DNAJB6: variants seen among roughly 807,000 people sequenced by gnomAD.
DNAJB6 encodes the protein dnaJ homolog subfamily B member 6.
A neutral mutation model predicts 42.7 loss-of-function variants in DNAJB6; 16 were observed. That is an observed-to-expected ratio of 0.37 (90% CI 0.25 to 0.57). The LOEUF (loss-of-function observed/expected upper bound fraction) is 0.57, where lower values mean the gene tolerates loss of function less well. Among genes scored for constraint, DNAJB6 ranks in the 20% least tolerant of loss-of-function variants. The pLI is 0.74. For missense variants in DNAJB6, 347 were observed against 416.8 expected, an observed-to-expected ratio of 0.83 and a Z score of 1.46; for synonymous variants, 170 against 163.5, an observed-to-expected ratio of 1.04 and a Z score of -0.30.
chr7:157,413,732 T>TC (rs1796036814), intron 9 of DNAJB6: 1 of 147,944 alleles, frequency 6.8e-6, no homozygotes, highest in African/African-American at 2.5e-5. Flanking sequence ...TTTTTTTTTT[T>TC]TTTTTTTTTT....
At chr7:157,359,807 G>A (rs758480834) in intron 2 of DNAJB6, among the ~76,000 whole-genome samples, 11 of 152,200 alleles carry the variant, frequency 7.2e-5, no homozygotes, top group Non-Finnish European at 1.3e-4. Context: ...CAACCAAGCC[G>A]AGACCCTGTC....
At chr7:157,415,920 G>A in intron 9 of DNAJB6, 96 bp from the exon 10 acceptor site, 1 of 1,594,232 alleles carries the variant, frequency 6.3e-7, no homozygotes, top group Non-Finnish European at 8.6e-7. Flanking sequence ...GTTGCTTTTT[G>A]TTCTTAACAT....
intron 1 of DNAJB6, among the ~76,000 whole-genome samples, chr7:157,356,098 A>G (rs1043078316): frequency 4.6e-5 from 7 of 152,150 alleles, no homozygotes; most frequent in African/African-American, 1.7e-4. Flanking sequence ...CTTGCTATAT[A>G]TAGTGCTCAG....
rs1335629560 is a variant in DNAJB6, at chr7:157,357,313, TC to T, written c.-26-1232del. Among the ~76,000 whole-genome samples, 11 of 105,246 alleles carry T rather than the reference TC, an allele frequency of 1.0e-4. 3 individuals carry two copies. Among genetic ancestry groups the T allele is most frequent in the African/African-American group, 2.4e-4 (7 of 28,948 alleles). 69.0% of individuals were successfully genotyped at this position (105,246 alleles called of 152,430 possible). A position where few individuals can be genotyped will look rare whatever the true frequency, so the allele number is the denominator to read the frequency against. ...GTCCTTCCTTCCTTCCTTCCTTCCT[TC>T]CTTCCTTCCTCGTTCCGTCGCCCGG... On this transcript the variant is annotated intron_variant, in intron 1 of 9. Transcript: ENST00000262177.
intron 1 of DNAJB6, among the ~76,000 whole-genome samples, chr7:157,355,189 TGTC>T (rs763755604): frequency 2.0e-4 from 30 of 152,372 alleles, no homozygotes; most frequent in Admixed American, 4.6e-4. Context: ...GGAGTCTCAC[TGTC>T]GTCCAGGTTG....
intron 5 of DNAJB6, among the ~76,000 whole-genome samples, chr7:157,375,080 G>A (rs575592259): frequency 1.3e-4 from 20 of 152,338 alleles, no homozygotes; most frequent in Admixed American, 1.1e-3. Context: ...CAAGATGTAG[G>A]AAGAGTGATT....
chr7:157,413,370 C>T (rs1424749803), intron 9 of DNAJB6: 3 of 152,182 alleles, frequency 2.0e-5, no homozygotes, highest in Non-Finnish European at 2.9e-5. Context: ...GAATGTCTCC[C>T]TTTTTGTGAA....
At chr7:157,362,805 T>A (rs1799670296) in intron 2 of DNAJB6, among the ~76,000 whole-genome samples, 1 of 152,218 alleles carries the variant, frequency 6.6e-6, no homozygotes, top group Admixed American at 6.5e-5. Flanking sequence ...CTTACTTTAA[T>A]GAGTATTTTT....
chr7:157,400,384 G>A lies in DNAJB6; in HGVS notation c.692-9411G>A, dbSNP rs554221785. 4.9e-3 allele frequency among the ~76,000 whole-genome samples: 249 copies of A among 50,784 alleles called. 2 individuals are homozygous for A. Among genetic ancestry groups the A allele is most frequent in the African/African-American group, 0.034 (245 of 7,222 alleles). 33.3% of individuals were successfully genotyped at this position (50,784 alleles called of 152,430 possible). ...TGGACACGCTCGTGTGTGGTGTGCC[G>A]TGATGCTTGCTGTGCAGCAGGCCGG... On this transcript the variant is annotated intron_variant, in intron 8 of 9. Coordinates refer to ENST00000262177, the MANE Select transcript of DNAJB6 (RefSeq NM_058246.4).
intron 8 of DNAJB6, among the ~76,000 whole-genome samples, chr7:157,397,259 C>T (rs1035333890): frequency 2.0e-5 from 3 of 152,212 alleles, no homozygotes; most frequent in Non-Finnish European, 4.4e-5. Context: ...CTCCACCTCA[C>T]GTAAGCATTT....
At chr7:157,366,456 G>GAAACT in intron 3 of DNAJB6, 46 bp from the exon 4 acceptor site, 1 of 1,544,796 alleles carries the variant, frequency 6.5e-7, no homozygotes, top group East Asian at 2.2e-5. Context: ...TTGAATTAAG[G>GAAACT]GTTTAAAAGG....
chr7:157,397,871 C>T (rs1801671022), intron 8 of DNAJB6, among the ~76,000 whole-genome samples: 1 of 151,996 alleles, frequency 6.6e-6, no homozygotes. Flanking sequence ...GTTCAGGAGT[C>T]TGGGCGTGGT....
At chr7:157,359,415 G>T (rs922047600) in intron 2 of DNAJB6, among the ~76,000 whole-genome samples, 1 of 152,180 alleles carries the variant, frequency 6.6e-6, no homozygotes, top group Non-Finnish European at 1.5e-5. Flanking sequence ...GTCTCAATAT[G>T]TTGCTCAGGC....
intron 5 of DNAJB6, chr7:157,369,242 A>C (rs577910231): frequency 4.4e-6 from 2 of 456,358 alleles, no homozygotes; most frequent in Non-Finnish European, 4.4e-6. Context: ...TCCTTCATCA[A>C]CCCTCACAGG....
At chr7:157,362,615 C>G (rs189791153) in intron 2 of DNAJB6, among the ~76,000 whole-genome samples, 2 of 152,232 alleles carry the variant, frequency 1.3e-5, no homozygotes, top group African/African-American at 4.8e-5. Context: ...CTCAGGTGAT[C>G]TGCCCACCTC....
At chr7:157,403,740 T>C (rs926815436) in intron 8 of DNAJB6, among the ~76,000 whole-genome samples, 2 of 152,212 alleles carry the variant, frequency 1.3e-5, no homozygotes, top group Admixed American at 6.5e-5. Flanking sequence ...CTGAGATTCA[T>C]TGTCGTTTCA....
At chr7:157,346,743 G>C (rs1383944673) in intron 1 of DNAJB6, among the ~76,000 whole-genome samples, 1 of 152,232 alleles carries the variant, frequency 6.6e-6, no homozygotes, top group Non-Finnish European at 1.5e-5. Flanking sequence ...AAGCAGTAAG[G>C]AGTGAGCTTG....
intron 5 of DNAJB6, among the ~76,000 whole-genome samples, chr7:157,377,536 T>A (rs1800533018): frequency 6.6e-6 from 1 of 152,022 alleles, no homozygotes; most frequent in East Asian, 1.9e-4. Context: ...TGCTCACGAC[T>A]CTAACCCTCA....
chr7:157,339,635 GT>G (rs1454126774), intron 1 of DNAJB6, among the ~76,000 whole-genome samples: 70 of 67,402 alleles, frequency 1.0e-3, no homozygotes, highest in Non-Finnish European at 1.8e-3. Flanking sequence ...GTGTGTGTGT[GT>G]GTGTGTGTGT....
Sources: gnomAD v4.1 joint callset for allele counts (sites outside exome capture counted in the v4.1 genomes callset) on GRCh38, gnomAD v4.1.1 for gene constraint, MANE v1.5 for transcripts, NCBI Gene and HGNC (gene_info 2026-07-23, HGNC 2026-07-21) for gene names.